TMEM266: variants seen among roughly 807,000 people sequenced by gnomAD.
TMEM266 encodes the protein Hv1 related protein 1.
A neutral mutation model predicts 50.5 loss-of-function variants in TMEM266; 33 were observed. The observed-to-expected ratio is 0.65, with a 90% CI of 0.50 to 0.87. TMEM266 has a LOEUF of 0.87. Among genes scored for constraint, TMEM266 ranks in the 40% least tolerant of loss-of-function variants. The pLI, the probability that TMEM266 is intolerant of heterozygous loss-of-function variation, is 0.00. For missense variants in TMEM266, 655 were observed against 695.1 expected, an observed-to-expected ratio of 0.94 and a Z score of 0.65; for synonymous variants, 310 against 292.3, an observed-to-expected ratio of 1.06 and a Z score of -0.62.
At position 76,156,680 on chromosome 15, in the gene TMEM266, A is replaced by G. The variant is rs2037933397; in HGVS notation, c.304A>G (p.Ser102Gly). 1.9e-6 allele frequency: 3 copies of G among 1,614,062 alleles called. No individual in the cohort carries two copies. Among genetic ancestry groups the G allele is most frequent in the African/African-American group, 1.3e-5 (1 of 74,940 alleles). The stretch of plus-strand genomic sequence containing the variant: ...ATTTTTGCTCAGTGCAAGTCTCAAC[A>G]GTTTCCTGGTAGCCTGTGTAATATT... Residue 102 changes from serine to glycine, a missense_variant, in exon 4 of 11, where the codon AGT becomes GGT. This residue lies in a region of TMEM266 where 101 missense variants were observed against 182.6 expected (regional missense o/e 0.55). Transcript: ENST00000388942.
chr15:76,071,601 C>T (rs1321969403), intron 1 of TMEM266, among the ~76,000 whole-genome samples: 3 of 152,176 alleles, frequency 2.0e-5, no homozygotes, highest in African/African-American at 7.2e-5. Flanking sequence ...ATAGCTGCAT[C>T]CCATGGAACA....
At chr15:76,203,715 G>T (rs369285428) in intron 10 of TMEM266, 26 bp from the exon 11 acceptor site, 33 of 1,595,280 alleles carry the variant, frequency 2.1e-5, no homozygotes, top group Non-Finnish European at 2.7e-5. Context: ...GTTGAAGTGT[G>T]ACCAAGATCC....
At chr15:76,149,734 C>A (rs1191605409) in intron 3 of TMEM266, among the ~76,000 whole-genome samples, 1 of 152,162 alleles carries the variant, frequency 6.6e-6, no homozygotes, top group Non-Finnish European at 1.5e-5. Context: ...GCTTTCCCCT[C>A]CATGACAACA....
At chr15:76,184,467 T>A (rs1479814214) in intron 8 of TMEM266, among the ~76,000 whole-genome samples, 1 of 152,222 alleles carries the variant, frequency 6.6e-6, no homozygotes, top group Non-Finnish European at 1.5e-5. Flanking sequence ...TTTGCAACTG[T>A]CTCCTGATTT....
intron 3 of TMEM266, among the ~76,000 whole-genome samples, chr15:76,146,220 C>T (rs2037752736): frequency 6.6e-6 from 1 of 152,178 alleles, no homozygotes; most frequent in Admixed American, 6.5e-5. Flanking sequence ...TGGGGGTCGT[C>T]ACCCCCACTT....
chr15:76,158,845 C>T (rs1409097326), intron 4 of TMEM266, among the ~76,000 whole-genome samples: 1 of 152,216 alleles, frequency 6.6e-6, no homozygotes, highest in African/African-American at 2.4e-5. Flanking sequence ...CAGGGGGCCT[C>T]AGAGTCTCCC....
chr15:76,083,583 C>A (rs764199288), intron 1 of TMEM266, among the ~76,000 whole-genome samples: 3 of 152,220 alleles, frequency 2.0e-5, no homozygotes, highest in South Asian at 2.1e-4. Context: ...TTCAAAGAAG[C>A]CTTCCATGCC....
intron 3 of TMEM266, among the ~76,000 whole-genome samples, chr15:76,149,439 C>T (rs137965370): frequency 6.6e-6 from 1 of 152,154 alleles, no homozygotes; most frequent in African/African-American, 2.4e-5. Flanking sequence ...CATATGAGAA[C>T]CATGCCTGGA....
At chr15:76,164,319 C>T (rs1225035780) in intron 5 of TMEM266, among the ~76,000 whole-genome samples, 1 of 152,192 alleles carries the variant, frequency 6.6e-6, no homozygotes, top group East Asian at 1.9e-4. Flanking sequence ...GATCCCCTCA[C>T]CTCAGTCTTC....
chr15:76,136,575 A>G (rs2037591787), intron 2 of TMEM266, among the ~76,000 whole-genome samples: 1 of 152,126 alleles, frequency 6.6e-6, no homozygotes, highest in Admixed American at 6.5e-5. Flanking sequence ...CTGACCCTCA[A>G]TGTTCCCTCC....
chr15:76,134,166 A>G lies in TMEM266; in HGVS notation c.-96-2A>G. Reference sequence around the variant, plus strand: ...GTAATAAGTTCCTATTTTTGTTTTCAGGGCACTATATTTGTATGTGTCTTG... The same window carrying G: ...GTAATAAGTTCCTATTTTTGTTTTCGGGGCACTATATTTGTATGTGTCTTG... On this transcript the variant is annotated splice_acceptor_variant, in intron 1 of 10. Coordinates refer to ENST00000388942, the MANE Select transcript of TMEM266 (RefSeq NM_152335.3). LOFTEE classifies it low-confidence loss of function (5UTR_SPLICE). 1 of 1,356,128 alleles carries G rather than the reference A, an allele frequency of 7.4e-7. No individual in the cohort carries two copies. The highest frequency in any genetic ancestry group is 1.2e-5 in the South Asian group (1 of 80,296). 84.0% of individuals were successfully genotyped at this position (1,356,128 alleles called of 1,614,324 possible). A position where few individuals can be genotyped will look rare whatever the true frequency, so the allele number is the denominator to read the frequency against.
At chr15:76,145,842 G>T (rs922516505) in intron 3 of TMEM266, among the ~76,000 whole-genome samples, 1 of 152,226 alleles carries the variant, frequency 6.6e-6, no homozygotes, top group African/African-American at 2.4e-5. Context: ...CCATTGTCCT[G>T]GTGGACAGTG....
chr15:76,192,550 C>T lies in TMEM266; in HGVS notation c.958+393C>T, dbSNP rs73446502. ...ATCGCTAATAAGTGGCAGAGCCAGG[C>T]TTCCAGACAGAGGTCTGGGGCTTCC... On this transcript the variant is annotated intron_variant, in intron 9 of 10. Coordinates refer to ENST00000388942, the MANE Select transcript of TMEM266 (RefSeq NM_152335.3). 4.5e-3 allele frequency among the ~76,000 whole-genome samples: 681 copies of T among 152,308 alleles called. 6 individuals carry two copies. Among genetic ancestry groups the T allele is most frequent in the African/African-American group, 0.016 (646 of 41,584 alleles).
rs556157391 is a variant in TMEM266, at chr15:76,085,367, C to T, written c.-97+25351C>T. On this transcript the variant is annotated intron_variant, in intron 1 of 10. Coordinates refer to ENST00000388942, the MANE Select transcript of TMEM266 (RefSeq NM_152335.3). Reference sequence around the variant, plus strand: ...CCACCTCCTGGGTTCAAGCTATTCTCGTGCCTCAGCCTCCTGAGTAGCTGG... The same window carrying T: ...CCACCTCCTGGGTTCAAGCTATTCTTGTGCCTCAGCCTCCTGAGTAGCTGG... Among the ~76,000 whole-genome samples the T allele has an allele frequency of 1.3e-4, 20 of 151,896 alleles. No homozygotes were observed. In the East Asian group the frequency reaches 2.7e-3, roughly 21 times the overall value.
intron 3 of TMEM266, among the ~76,000 whole-genome samples, chr15:76,156,375 A>C (rs796282315): frequency 2.0e-5 from 3 of 152,264 alleles, no homozygotes; most frequent in African/African-American, 7.2e-5. Flanking sequence ...AGAAAAGAAA[A>C]GAAAAGAAAA....
At chr15:76,165,596 T>C (rs1180093792) in intron 5 of TMEM266, among the ~76,000 whole-genome samples, 1 of 152,172 alleles carries the variant, frequency 6.6e-6, no homozygotes, top group African/African-American at 2.4e-5. Flanking sequence ...GGGGCCAGTA[T>C]TGCAAGGCCA....
chr15:76,169,994 C>G, intron 6 of TMEM266, 122 bp downstream of exon 6: 1 of 1,020,644 alleles, frequency 9.8e-7, no homozygotes, highest in Non-Finnish European at 1.5e-6. Flanking sequence ...CCCACTTGAC[C>G]TCTGTGGCTG....
intron 9 of TMEM266, among the ~76,000 whole-genome samples, chr15:76,194,563 A>T (rs1413135860): frequency 1.3e-5 from 2 of 152,132 alleles, no homozygotes; most frequent in Non-Finnish European, 2.9e-5. Context: ...AGAGAAGTGT[A>T]TTGTCTCACA....
chr15:76,197,426 C>T (rs1050208800), intron 9 of TMEM266, among the ~76,000 whole-genome samples: 8 of 152,208 alleles, frequency 5.3e-5, no homozygotes, highest in African/African-American at 1.9e-4. Flanking sequence ...ACACAGGGCC[C>T]TAACTTTGGT....
Sources: gnomAD v4.1 joint callset for allele counts (sites outside exome capture counted in the v4.1 genomes callset) on GRCh38, gnomAD v4.1.1 for gene constraint, gnomAD v4.1.1 regional missense constraint, MANE v1.5 for transcripts, NCBI Gene and HGNC (gene_info 2026-07-23, HGNC 2026-07-21) for gene names.